ATP5MF: variants seen among roughly 807,000 people sequenced by gnomAD.
The protein encoded by ATP5MF is ATP synthase F(0) complex subunit f, mitochondrial.
In ATP5MF, 10 loss-of-function variants were observed where a neutral mutation model predicts 13.8. The ratio of observed to expected loss-of-function variants is 0.72; its 90% CI spans 0.45 to 1.23. ATP5MF has a LOEUF of 1.23. Ranked by LOEUF, ATP5MF falls within the 50% of genes most tolerant of loss-of-function variation. The pLI, the probability that ATP5MF is intolerant of heterozygous loss-of-function variation, is 0.00. For missense variants in ATP5MF, 122 were observed against 118.2 expected, an observed-to-expected ratio of 1.03 and a Z score of -0.15; for synonymous variants, 40 against 45.8, an observed-to-expected ratio of 0.87 and a Z score of 0.51.
intron 1 of ATP5MF, among the ~76,000 whole-genome samples, chr7:99,462,099 A>G (rs957320721): frequency 1.3e-5 from 2 of 151,866 alleles, no homozygotes; most frequent in Non-Finnish European, 2.9e-5. Flanking sequence ...ACAATTTACA[A>G]CTTGTTTTTC....
rs759000251 is a variant in ATP5MF, at chr7:99,459,136, G to A, written c.256+11C>T. ...TGGGAACTAAAGGCAAGACGCCGCA[G>A]AGGCACTCACTGAGATGCTTGTAGG... On this transcript the variant is annotated intron_variant, in intron 3 of 3. Coordinates refer to ENST00000292475, the MANE Select transcript of ATP5MF (RefSeq NM_004889.5). 6 of 1,603,730 alleles carry A rather than the reference G, an allele frequency of 3.7e-6. No homozygotes were observed. Among genetic ancestry groups the A allele is most frequent in the Non-Finnish European group, 5.1e-6 (6 of 1,171,434 alleles).
Position 99,458,205 on chromosome 7 carries a change from G to T in ATP5MF, c.*122C>A. 1 of 1,074,984 alleles carries T rather than the reference G, an allele frequency of 9.3e-7. No individual in the cohort carries two copies. The highest frequency in any genetic ancestry group is 2.6e-5 in the East Asian group (1 of 38,850). The allele number at this position is 1,074,984 out of a possible 1,614,324, so 66.6% of individuals were successfully genotyped here. A position where few individuals can be genotyped will look rare whatever the true frequency, so the allele number is the denominator to read the frequency against. ...GGCAATCAGCACACGTACCAGTCAT[G>T]TTTTATTTGGAGGTTAATTCCTATT... On this transcript the variant is annotated 3_prime_UTR_variant, in exon 4 of 4. Transcript: ENST00000292475.
intron 1 of ATP5MF, among the ~76,000 whole-genome samples, chr7:99,462,055 A>G (rs1418526442): frequency 2.0e-5 from 3 of 152,104 alleles, no homozygotes; most frequent in Non-Finnish European, 4.4e-5. Flanking sequence ...AGGGGCTGGC[A>G]TGGAGCCTGG....
intron 1 of ATP5MF, among the ~76,000 whole-genome samples, chr7:99,463,507 G>A (rs549755447): frequency 9.2e-5 from 14 of 152,312 alleles, no homozygotes; most frequent in African/African-American, 3.4e-4. Context: ...GCCCTGTACA[G>A]TGGCTCACGT....
Position 99,458,374 on chromosome 7 carries a change from G to A in ATP5MF, c.257-19C>T. 6.2e-7 allele frequency: 1 copy of A among 1,603,008 alleles called. No individual in the cohort carries two copies. Among genetic ancestry groups the A allele is most frequent in the Non-Finnish European group, 8.5e-7 (1 of 1,175,886 alleles). On this transcript the variant is annotated intron_variant, in intron 3 of 3. Coordinates refer to ENST00000292475, the MANE Select transcript of ATP5MF (RefSeq NM_004889.5). ...TCGTGCTCTGAAGTCAGGAAGGCAA[G>A]ATGGTAAGTATCTTAAAAGGTTACA...
Position 99,460,086 on chromosome 7 carries a change from C to A in ATP5MF, c.139G>T (p.Gly47Cys). 1.9e-6 allele frequency: 3 copies of A among 1,610,672 alleles called. No homozygotes were observed. Among genetic ancestry groups the A allele is most frequent in the Non-Finnish European group, 2.5e-6 (3 of 1,178,998 alleles). ...PSGIFGAFQR[G>C]YYRYYNKYIN... ...TTACAGACATCCACAAGGCTCTGAC[C>A]TCTTTGAAACGCTCCGAAAATGCCA... Residue 47 changes from glycine to cysteine, a missense_variant and splice_region_variant, in exon 2 of 4, where the codon GGT becomes TGT. Transcript: ENST00000292475.
Position 99,466,135 on chromosome 7 carries a change from A to G in ATP5MF, c.7T>C (p.Ser3Pro). 1 of 1,614,126 alleles carries G rather than the reference A, an allele frequency of 6.2e-7. No homozygotes were observed. The highest frequency in any genetic ancestry group is 8.5e-7 in the Non-Finnish European group (1 of 1,180,016). ...CCTGGGGCCGGACACTCACCAACTG[A>G]CGCCATTTTGGAGTCCTGGTGTCCG... is the stretch of plus-strand genomic sequence containing the variant. The part of the protein sequence containing the change: MA[S>P]VGECPAPVPV... Residue 3 changes from serine to proline, a missense_variant, in exon 1 of 4, where the codon TCA becomes CCA. Coordinates refer to ENST00000292475, the MANE Select transcript of ATP5MF (RefSeq NM_004889.5).
chr7:99,463,174 T>C (rs989953644), intron 1 of ATP5MF, among the ~76,000 whole-genome samples: 6 of 152,330 alleles, frequency 3.9e-5, no homozygotes, highest in Admixed American at 1.3e-4. Context: ...TCAGTAATGG[T>C]TGTAGAACCA....
At chr7:99,463,194 G>T (rs562803010) in intron 1 of ATP5MF, among the ~76,000 whole-genome samples, 1 of 152,168 alleles carries the variant, frequency 6.6e-6, no homozygotes, top group South Asian at 2.1e-4. Context: ...ACAGATCCTC[G>T]AGAGGAAACA....
Position 99,458,279 on chromosome 7 carries a change from G to A in ATP5MF, c.*48C>T. ...GATTGAGATTGTGTTCCTCACGGAG[G>A]GGCTCGGGCCAAGGTCGTGGGGTGG... On this transcript the variant is annotated 3_prime_UTR_variant, in exon 4 of 4. Coordinates refer to ENST00000292475, the MANE Select transcript of ATP5MF (RefSeq NM_004889.5). 1 of 1,587,648 alleles carries A rather than the reference G, an allele frequency of 6.3e-7. No homozygotes were observed. The highest frequency in any genetic ancestry group is 8.6e-7 in the Non-Finnish European group (1 of 1,164,268).
At chr7:99,459,629 G>A (rs938930347) in intron 2 of ATP5MF, 1 of 258,072 alleles carries the variant, frequency 3.9e-6, no homozygotes, top group African/African-American at 2.3e-5. Flanking sequence ...TATTGCCTAG[G>A]CTGGTCTAAA....
At chr7:99,465,652 CCT>C (rs1798838076) in intron 1 of ATP5MF, among the ~76,000 whole-genome samples, 1 of 152,182 alleles carries the variant, frequency 6.6e-6, no homozygotes, top group Non-Finnish European at 1.5e-5. Context: ...GGTCACCTCG[CCT>C]CTCTGATTCA....
intron 1 of ATP5MF, among the ~76,000 whole-genome samples, chr7:99,462,384 C>T (rs1036578260): frequency 2.7e-5 from 4 of 149,164 alleles, no homozygotes; most frequent in Non-Finnish European, 4.4e-5. Context: ...AGGAGAATGG[C>T]GTGAACCTGG....
intron 3 of ATP5MF, 60 bp downstream of exon 3, chr7:99,459,082 TAATGA>T (rs1315816398): frequency 2.4e-6 from 3 of 1,265,726 alleles, no homozygotes; most frequent in Non-Finnish European, 3.5e-6. Flanking sequence ...CTGCTGTATC[TAATGA>T]AATCAGTCAC....
rs150182595 is a variant in ATP5MF at position 99,463,154 on chromosome 7, C to A, written c.31+2957G>T. Among the ~76,000 whole-genome samples, 401 of 152,290 alleles carry A rather than the reference C, an allele frequency of 2.6e-3. 1 individual carries two copies. The highest frequency in any genetic ancestry group is 9.3e-3 in the African/African-American group (387 of 41,556). On this transcript the variant is annotated intron_variant, in intron 1 of 3. Coordinates refer to ENST00000292475, the MANE Select transcript of ATP5MF (RefSeq NM_004889.5). ...AATATCCCCACCACTTCTTGGTACA[C>A]GACAGATTCTCAGTAATGGTTGTAG... is the stretch of plus-strand genomic sequence containing the variant.
Position 99,465,445 on chromosome 7 carries a change from C to T in ATP5MF, c.31+666G>A, listed in dbSNP as rs188238898. Among the ~76,000 whole-genome samples the T allele has an allele frequency of 9.9e-5, 15 of 152,240 alleles. No individual in the cohort carries two copies. The East Asian group carries it at 2.9e-3, about 29-fold the overall frequency. On this transcript the variant is annotated intron_variant, in intron 1 of 3. Transcript: ENST00000292475. The stretch of plus-strand genomic sequence containing the variant: ...ACTCTCTGACAAGGCTACTATGGAG[C>T]ATCTAGGGCTAACTATTCAAAAACA...
rs1798481295 is a variant in ATP5MF at position 99,459,158 on chromosome 7, T to C, written c.245A>G (p.Tyr82Cys). 2 of 1,613,280 alleles carry C rather than the reference T, an allele frequency of 1.2e-6. No homozygotes were observed. The highest frequency in any genetic ancestry group is 1.3e-5 in the African/African-American group (1 of 75,000). The stretch of plus-strand genomic sequence containing the variant: ...GCAGAGGCACTCACTGAGATGCTTG[T>C]AGGAAAAGGAGTAGCTAAAGAGCAC... ...CYVLFSYSFS[Y>C]KHLKHERLRK... is the part of the protein sequence containing the mutation. Residue 82 changes from tyrosine (Y) to cysteine (C), a missense_variant, in exon 3 of 4, where the codon TAC (tyrosine) becomes TGC (cysteine). Tyr to Cys is a radical substitution (Grantham distance 194). Coordinates refer to ENST00000292475, the MANE Select transcript of ATP5MF (RefSeq NM_004889.5).
chr7:99,461,599 T>G (rs913318650), intron 1 of ATP5MF, among the ~76,000 whole-genome samples: 2 of 151,840 alleles, frequency 1.3e-5, no homozygotes, highest in Non-Finnish European at 2.9e-5. Context: ...ATCCCAGCAC[T>G]TTGGGAGGTC....
At chr7:99,460,495 G>T (rs752401037) in intron 1 of ATP5MF, 1 of 617,768 alleles carries the variant, frequency 1.6e-6, no homozygotes, top group Admixed American at 1.8e-5. Context: ...TGGCGGACAG[G>T]AAAGATTACT....
Sources: allele counts gnomAD v4.1 joint callset (sites outside exome capture counted in the v4.1 genomes callset), GRCh38; gene constraint gnomAD v4.1.1; transcripts MANE v1.5; gene names NCBI Gene and HGNC (gene_info 2026-07-23, HGNC 2026-07-21).